MTCL2: variants seen among roughly 807,000 people sequenced by gnomAD.
The protein encoded by MTCL2 is microtubule cross-linking factor 2.
chr20:36,830,619 C>T, the MTCL2 span, among the ~76,000 whole-genome samples: 5 of 152,156 alleles, frequency 3.3e-5, no homozygotes, highest in African/African-American at 1.2e-4. Context: ...GATTGAGCTG[C>T]AGTGGAAACC....
the MTCL2 span, among the ~76,000 whole-genome samples, chr20:36,812,307 G>A: frequency 6.6e-6 from 1 of 152,182 alleles, no homozygotes; most frequent in African/African-American, 2.4e-5. Flanking sequence ...CTGAGAATCA[G>A]AGAGGTAAAA....
chr20:36,793,895 C>T, the MTCL2 span: 5 of 1,550,594 alleles, frequency 3.2e-6, no homozygotes, highest in Middle Eastern at 1.7e-4. This position sits in a 1 kb window ranked among gnomAD's most constrained non-coding sequence, Gnocchi z 6.8. Context: ...GAGGCTGCTG[C>T]GGGGTGGGTC....
At chr20:36,795,810 C>T in the MTCL2 span, among the ~76,000 whole-genome samples, 1 of 151,798 alleles carries the variant, frequency 6.6e-6, no homozygotes, top group Non-Finnish European at 1.5e-5. Context: ...ACAAAACACA[C>T]GCCCAAACCG....
At chr20:36,801,575 TA>T in the MTCL2 span, among the ~76,000 whole-genome samples, 9 of 148,904 alleles carry the variant, frequency 6.0e-5, no homozygotes, top group Admixed American at 3.4e-4. Flanking sequence ...TTTTTTTCAT[TA>T]AAAAAAAATG....
At chr20:36,817,511 CTGAAAGCTCACAGAAT>C in the MTCL2 span, 1 of 1,465,488 alleles carries the variant, frequency 6.8e-7, no homozygotes, top group African/African-American at 1.4e-5. Flanking sequence ...AAAGTCAGGA[CTGAAAGCTCACAGAAT>C]GATGCACATG....
the MTCL2 span, among the ~76,000 whole-genome samples, chr20:36,787,885 G>GAA: frequency 2.4e-3 from 130 of 54,532 alleles, 2 homozygotes; most frequent in African/African-American, 7.5e-3. Context: ...GACTCCATCT[G>GAA]AAAAAAAAAA....
chr20:36,787,342 C>T, the MTCL2 span, among the ~76,000 whole-genome samples: 985 of 152,126 alleles, frequency 6.5e-3, 12 homozygotes, highest in African/African-American at 0.022. Context: ...ATTCTTGTGC[C>T]TCAGCCTCCC....
the MTCL2 span, among the ~76,000 whole-genome samples, chr20:36,838,575 G>T: frequency 1.1e-3 from 174 of 152,212 alleles, no homozygotes; most frequent in African/African-American, 4.0e-3. Flanking sequence ...AACAGAGCAA[G>T]ACCTTGTCTC....
At chr20:36,794,943 C>CTT in the MTCL2 span, among the ~76,000 whole-genome samples, 2 of 145,156 alleles carry the variant, frequency 1.4e-5, no homozygotes, top group Admixed American at 6.9e-5. The surrounding 1 kb of genome is among the most constrained non-coding windows in gnomAD (Gnocchi z 5.4). Context: ...TTTTTTTTTT[C>CTT]TTTTTTTTTT....
the MTCL2 span, chr20:36,805,990 G>A: frequency 6.4e-7 from 1 of 1,568,544 alleles, no homozygotes; most frequent in Non-Finnish European, 8.6e-7. Context: ...AACAGCAGGT[G>A]GGAAGTTTTC....
chr20:36,862,975 A>G, the MTCL2 span: 1 of 1,408,672 alleles, frequency 7.1e-7, no homozygotes, highest in Non-Finnish European at 9.3e-7. Context: ...GCGCAGTCCG[A>G]CACCTCCGAG....
chr20:36,816,145 C>T, the MTCL2 span: 31 of 1,613,610 alleles, frequency 1.9e-5, 1 homozygote, highest in South Asian at 2.2e-4. Flanking sequence ...GCCAGCTCCT[C>T]GGCTGACAGC....
At chr20:36,826,003 CTT>C in the MTCL2 span, among the ~76,000 whole-genome samples, 5 of 4,878 alleles carry the variant, frequency 1.0e-3, no homozygotes, top group Non-Finnish European at 4.0e-3. Context: ...CAAATACTTT[CTT>C]TTCTTTTTTT....
the MTCL2 span, among the ~76,000 whole-genome samples, chr20:36,844,237 G>GA: frequency 6.7e-6 from 1 of 149,110 alleles, no homozygotes; most frequent in African/African-American, 2.5e-5. Context: ...CTCTGTCTCA[G>GA]AAAAAAATAA....
the MTCL2 span, among the ~76,000 whole-genome samples, chr20:36,803,552 G>A: frequency 6.6e-6 from 1 of 152,048 alleles, no homozygotes; most frequent in Non-Finnish European, 1.5e-5. Context: ...GCAGGTGCAG[G>A]GGACACCGTG....
chr20:36,804,616 T>G, the MTCL2 span: 3 of 1,363,214 alleles, frequency 2.2e-6, no homozygotes, highest in South Asian at 4.0e-5. Flanking sequence ...GGGCCACAGG[T>G]GAAGCAACGG....
the MTCL2 span, among the ~76,000 whole-genome samples, chr20:36,829,643 G>T: frequency 6.6e-6 from 1 of 150,692 alleles, no homozygotes; most frequent in East Asian, 2.0e-4. Flanking sequence ...TCAGCCTCCT[G>T]AGTAGCTGGG....
chr20:36,825,369 A>G, the MTCL2 span, among the ~76,000 whole-genome samples: 1 of 152,216 alleles, frequency 6.6e-6, no homozygotes, highest in South Asian at 2.1e-4. Context: ...AGGCTGTTGG[A>G]GGGTTAAACA....
At chr20:36,808,869 C>G in the MTCL2 span, 4 of 773,258 alleles carry the variant, frequency 5.2e-6, no homozygotes, top group Non-Finnish European at 8.1e-6. Flanking sequence ...TGCCGGGGAT[C>G]CCACCACACG....
Sources: gnomAD v4.1 joint callset for allele counts (sites outside exome capture counted in the v4.1 genomes callset) on GRCh38, gnomAD v4.1.1 for gene constraint, Gnocchi (gnomAD v3.1) non-coding constraint, MANE v1.5 for transcripts, NCBI Gene and HGNC (gene_info 2026-07-23, HGNC 2026-07-21) for gene names.